Variants in MYO1E observed in about 807,000 individuals in gnomAD.
The protein encoded by MYO1E is myosin IE.
In MYO1E, 68 loss-of-function variants were observed where a neutral mutation model predicts 151.1. The observed-to-expected ratio is 0.45, with a 90% CI of 0.37 to 0.55. The LOEUF is 0.55. Ranked by LOEUF, MYO1E falls within the 20% of genes least tolerant of loss-of-function variation. The pLI, the probability that MYO1E is intolerant of heterozygous loss-of-function variation, is 0.00. For missense variants in MYO1E, 1,363 were observed against 1,389.3 expected (o/e 0.98, Z 0.30); for synonymous variants, 601 against 501.7 (o/e 1.20, Z -2.64).
intron 4 of MYO1E, among the ~76,000 whole-genome samples, chr15:59,241,529 C>T (rs1171107940): frequency 6.6e-6 from 1 of 151,936 alleles, no homozygotes; most frequent in Non-Finnish European, 1.5e-5. Flanking sequence ...GGTAAAACCC[C>T]GTCTCTACTA....
intron 1 of MYO1E, among the ~76,000 whole-genome samples, chr15:59,335,996 T>G (rs1366978780): frequency 6.6e-6 from 1 of 150,382 alleles, no homozygotes; most frequent in African/African-American, 2.5e-5. Context: ...AACTCAAGTG[T>G]GCTACCCCCT....
At chr15:59,367,846 G>A (rs1160686105) in intron 1 of MYO1E, among the ~76,000 whole-genome samples, 4 of 152,192 alleles carry the variant, frequency 2.6e-5, no homozygotes, top group African/African-American at 7.2e-5. Flanking sequence ...GAGGCCGGGC[G>A]TGGTGGCTCA....
At chr15:59,188,710 TATAA>T (rs762034150) in intron 17 of MYO1E, among the ~76,000 whole-genome samples, 29 of 151,438 alleles carry the variant, frequency 1.9e-4, no homozygotes, top group African/African-American at 5.1e-4. Flanking sequence ...ATAAAATAAA[TATAA>T]ATAAATAAAT....
chr15:59,261,213 T>A (rs189845761), intron 3 of MYO1E, among the ~76,000 whole-genome samples: 18 of 150,504 alleles, frequency 1.2e-4, no homozygotes, highest in South Asian at 2.1e-4. Flanking sequence ...TCAAAAAAAA[T>A]AATAATAATA....
At position 59,136,847 on chromosome 15, in the gene MYO1E, G is replaced by C; in HGVS notation, c.*533C>G. ...CCCTCTGTCGCCCTGGGCTCAGCAGGCCAGCTTACCCTTGGCACGTACATG... is the reference window on the plus strand; with the variant it reads ...CCCTCTGTCGCCCTGGGCTCAGCAGCCCAGCTTACCCTTGGCACGTACATG... On this transcript the variant is annotated 3_prime_UTR_variant, in exon 28 of 28. Coordinates refer to ENST00000288235, the MANE Select transcript of MYO1E (RefSeq NM_004998.4). 8.9e-6 allele frequency: 4 copies of C among 447,282 alleles called. No individual in the cohort carries two copies. In the East Asian group the frequency reaches 2.8e-4, roughly 31 times the overall value. 27.7% of individuals were successfully genotyped at this position (447,282 alleles called of 1,614,324 possible).
rs2079597530 is a variant in MYO1E, at chr15:59,171,932, T to C, written c.2445A>G (p.Lys815=). The C allele has an allele frequency of 1.9e-6, 3 of 1,614,132 alleles. No homozygotes were observed. The highest frequency in any genetic ancestry group is 1.3e-5 in the African/African-American group (1 of 74,944). The change falls in exon 22 of 28, where the codon AAA becomes AAG. Residue 815 remains lysine, a synonymous_variant. Coordinates refer to ENST00000288235, the MANE Select transcript of MYO1E (RefSeq NM_004998.4). The part of the protein sequence containing the change: ...KGLVKEVLKR[K]IEIERILSVS... ...CAGACAAGATCCGTTCTATCTCGAT[T>C]TTCCGCTTCAGGACTTCTTTCACCA...
At chr15:59,361,160 C>T (rs1177104741) in intron 1 of MYO1E, among the ~76,000 whole-genome samples, 3 of 152,196 alleles carry the variant, frequency 2.0e-5, no homozygotes, top group Non-Finnish European at 4.4e-5. Flanking sequence ...AACTACCAGA[C>T]ATGTGAGTGA....
chr15:59,278,388 C>T (rs974913377), intron 1 of MYO1E, among the ~76,000 whole-genome samples: 1 of 152,120 alleles, frequency 6.6e-6, no homozygotes, highest in Non-Finnish European at 1.5e-5. Context: ...TTTCTGTCTC[C>T]GTGAGTAATA....
At chr15:59,256,006 G>A (rs1205793025) in intron 4 of MYO1E, among the ~76,000 whole-genome samples, 1 of 152,106 alleles carries the variant, frequency 6.6e-6, no homozygotes. Flanking sequence ...GAAAAAATAG[G>A]GACCTACAGA....
At chr15:59,343,473 C>T (rs1193503064) in intron 1 of MYO1E, among the ~76,000 whole-genome samples, 2 of 152,082 alleles carry the variant, frequency 1.3e-5, no homozygotes, top group Non-Finnish European at 2.9e-5. Flanking sequence ...TTTGTTATTA[C>T]ATGCCTTGAG....
At chr15:59,307,992 G>A (rs1246896146) in intron 1 of MYO1E, among the ~76,000 whole-genome samples, 4 of 149,376 alleles carry the variant, frequency 2.7e-5, no homozygotes, top group Admixed American at 6.6e-5. Flanking sequence ...CAAGGTGAGC[G>A]GATCACTTGA....
chr15:59,268,720 A>ATTTGTTTTTTTTTTTTTTTTTTTTT (rs2080271356), intron 2 of MYO1E, among the ~76,000 whole-genome samples: 5 of 44,906 alleles, frequency 1.1e-4, no homozygotes, highest in Admixed American at 3.9e-4. Context: ...TGACTTTGGT[A>ATTTGTTTTTTTTTTTTTTTTTTTTT]TTTTTTTTTT....
At chr15:59,198,832 A>AAC (rs1555410376) in intron 16 of MYO1E, among the ~76,000 whole-genome samples, 3 of 149,170 alleles carry the variant, frequency 2.0e-5, no homozygotes, top group Non-Finnish European at 3.0e-5. Flanking sequence ...AAAAAAAACA[A>AAC]AAAAAAAACA....
intron 16 of MYO1E, 139 bp downstream of exon 16, chr15:59,202,187 G>T: frequency 2.7e-6 from 2 of 727,564 alleles, no homozygotes; most frequent in Non-Finnish European, 4.8e-6. Context: ...GTAACAAGCA[G>T]CGATGTTACT....
chr15:59,344,080 G>A (rs923247530), intron 1 of MYO1E, among the ~76,000 whole-genome samples: 5 of 152,194 alleles, frequency 3.3e-5, no homozygotes, highest in Admixed American at 2.6e-4. Context: ...ATTCATGGAT[G>A]TCTAGGCACT....
intron 1 of MYO1E, among the ~76,000 whole-genome samples, chr15:59,367,291 A>C (rs1406848032): frequency 6.6e-6 from 1 of 152,158 alleles, no homozygotes; most frequent in African/African-American, 2.4e-5. Flanking sequence ...TTGTATTCTA[A>C]GTTATCAGAA....
At chr15:59,322,754 G>C (rs2080635137) in intron 1 of MYO1E, among the ~76,000 whole-genome samples, 1 of 152,268 alleles carries the variant, frequency 6.6e-6, no homozygotes, top group African/African-American at 2.4e-5. Flanking sequence ...CATGGGTTTT[G>C]AGTTTGTTTG....
At chr15:59,268,718 G>GTTTTTTTTTTTTTTTTTTTTTT (rs1452818863) in intron 2 of MYO1E, among the ~76,000 whole-genome samples, 26 of 12,050 alleles carry the variant, frequency 2.2e-3, no homozygotes, top group Non-Finnish European at 2.8e-3. Context: ...GGTGACTTTG[G>GTTTTTTTTTTTTTTTTTTTTTT]TATTTTTTTT....
At chr15:59,236,256 T>G (rs1004602709) in intron 5 of MYO1E, among the ~76,000 whole-genome samples, 3 of 150,710 alleles carry the variant, frequency 2.0e-5, no homozygotes, top group African/African-American at 7.3e-5. Context: ...GGCAGGAGAA[T>G]CTCTTGAACC....
Sources: gnomAD v4.1 joint callset for allele counts (sites outside exome capture counted in the v4.1 genomes callset) on GRCh38, gnomAD v4.1.1 for gene constraint, MANE v1.5 for transcripts, NCBI Gene and HGNC (gene_info 2026-07-23, HGNC 2026-07-21) for gene names.